Variants in PIGG observed in about 807,000 individuals in gnomAD.
PIGG encodes the protein phosphatidylinositol glycan anchor biosynthesis class G (EMM blood group), also known as GPI ethanolamine phosphate transferase 2, catalytic subunit.
PIGG carries 70 observed loss-of-function variants against 83.2 expected under a neutral mutation model. The ratio of observed to expected loss-of-function variants is 0.84; its 90% CI spans 0.69 to 1.03. The LOEUF is 1.03. Among genes scored for constraint, PIGG ranks in the 50% least tolerant of loss-of-function variants. The probability of loss-of-function intolerance (pLI) is 0.00; values close to 1 mark genes in which losing one functional copy is unlikely to be tolerated. For synonymous variants in PIGG, 532 were observed against 519.5 expected, an observed-to-expected ratio of 1.02 and a Z score of -0.33; for missense variants, 1,257 against 1,233.6, an observed-to-expected ratio of 1.02 and a Z score of -0.28.
intron 12 of PIGG, among the ~76,000 whole-genome samples, chr4:538,498 G>A (rs192838050): frequency 5.9e-5 from 9 of 152,254 alleles, no homozygotes; most frequent in African/African-American, 1.7e-4. Context: ...TCTATTCATC[G>A]TTTGTATTTT....
chr4:533,765 C>T (rs1166753363), intron 11 of PIGG, 53 bp from the exon 12 acceptor site: 5 of 1,560,548 alleles, frequency 3.2e-6, no homozygotes, highest in Non-Finnish European at 4.4e-6. Flanking sequence ...AACATCGTGG[C>T]TGTTGATGCC....
Position 499,283 on chromosome 4 carries a change from C to T in PIGG, c.-53C>T, listed in dbSNP as rs1716603549. On this transcript the variant is annotated 5_prime_UTR_variant, in exon 1 of 13. Transcript: ENST00000453061. ...CCTGGAGCCGGAAGCGCGGCTGCAG[C>T]AGGGCGAGGCTCCAGGTGGGGTCGG... 3 of 1,577,684 alleles carry T rather than the reference C, an allele frequency of 1.9e-6. No individual in the cohort carries two copies. Among genetic ancestry groups the T allele is most frequent in the South Asian group, 2.2e-5 (2 of 89,144 alleles).
intron 4 of PIGG, 103 bp downstream of exon 4, chr4:507,696 C>A: frequency 2.0e-6 from 2 of 987,112 alleles, no homozygotes; most frequent in Non-Finnish European, 3.0e-6. Context: ...GTGTGAATGT[C>A]CACCATCAGT....
In PIGG at chr4:505,704, T is replaced by C; in HGVS notation, c.361-14T>C. ...TGGATTCAGTGGCCTAATTCTTGCATTTTCTGACTGCAGGCATTGATGACG... is the reference window on the plus strand; with the variant it reads ...TGGATTCAGTGGCCTAATTCTTGCACTTTCTGACTGCAGGCATTGATGACG... On this transcript the variant is annotated splice_polypyrimidine_tract_variant and intron_variant, in intron 2 of 12. Transcript: ENST00000453061. 6.2e-7 allele frequency: 1 copy of C among 1,607,878 alleles called. No individual in the cohort carries two copies. Among genetic ancestry groups the C allele is most frequent in the Non-Finnish European group, 8.5e-7 (1 of 1,175,444 alleles).
At chr4:511,882 G>A (rs1269174184) in intron 5 of PIGG, among the ~76,000 whole-genome samples, 1 of 152,182 alleles carries the variant, frequency 6.6e-6, no homozygotes, top group Non-Finnish European at 1.5e-5. Context: ...TGGGTTGGCT[G>A]TTTTTTCTTT....
In PIGG at chr4:500,415, C is replaced by A; in HGVS notation, c.174C>A (p.Thr58=). Residue 58 remains threonine, a synonymous_variant, in exon 2 of 13, where the codon ACC becomes ACA. Coordinates refer to ENST00000453061, the MANE Select transcript of PIGG (RefSeq NM_001127178.3). ...ACTTAGGAGCCAGTTCTAACTGGAC[C>A]ACGCTGCCACCACCTCTCTTCAGTA... ...EPSAGASSNW[T]TLPPPLFSKV... is the part of the protein sequence containing the mutation. The A allele has an allele frequency of 1.2e-6, 2 of 1,613,680 alleles. No individual in the cohort carries two copies. Among genetic ancestry groups the A allele is most frequent in the Non-Finnish European group, 1.7e-6 (2 of 1,179,672 alleles).
At chr4:517,883 T>C (rs1724472724) in intron 6 of PIGG, among the ~76,000 whole-genome samples, 1 of 152,242 alleles carries the variant, frequency 6.6e-6, no homozygotes, top group South Asian at 2.1e-4. Context: ...TGTTTGATAC[T>C]GGGACTCCTT....
intron 11 of PIGG, 44 bp downstream of exon 11, chr4:530,789 C>T (rs760271059): frequency 1.6e-6 from 2 of 1,286,922 alleles, no homozygotes; most frequent in South Asian, 2.8e-5. Context: ...TCATGTTTTA[C>T]ATATTTATTT....
intron 3 of PIGG, chr4:506,683 G>A (rs1719825661): frequency 2.2e-6 from 1 of 447,630 alleles, no homozygotes; most frequent in Admixed American, 2.4e-5. Context: ...TAGCTGAGGG[G>A]TCAGGGCTCA....
At position 522,035 on chromosome 4, in the gene PIGG, T is replaced by C. The variant is rs750381035; in HGVS notation, c.1614+94T>C. 27 of 1,361,040 alleles carry C rather than the reference T, an allele frequency of 2.0e-5. No homozygotes were observed. In the African/African-American group the frequency reaches 3.7e-4, roughly 19 times the overall value. 84.3% of individuals were successfully genotyped at this position (1,361,040 alleles called of 1,614,324 possible). A position where few individuals can be genotyped will look rare whatever the true frequency, so the allele number is the denominator to read the frequency against. On this transcript the variant is annotated intron_variant, in intron 8 of 12. Coordinates refer to ENST00000453061, the MANE Select transcript of PIGG (RefSeq NM_001127178.3). ...TGCCTTTCGTTTACCAGACTCTGGTTGAACACCTGGTGTGTGCCACGTGCT... is the reference window on the plus strand; with the variant it reads ...TGCCTTTCGTTTACCAGACTCTGGTCGAACACCTGGTGTGTGCCACGTGCT...
Position 499,432 on chromosome 4 carries a change from C to T in PIGG, c.97C>T (p.Arg33Cys). 1 of 1,606,842 alleles carries T rather than the reference C, an allele frequency of 6.2e-7. No homozygotes were observed. Among genetic ancestry groups the T allele is most frequent in the Non-Finnish European group, 8.5e-7 (1 of 1,179,704 alleles). The change falls in exon 1 of 13, where the codon CGT becomes TGT. Residue 33 changes from arginine to cysteine, a missense_variant. Arg to Cys is a radical substitution (Grantham distance 180, BLOSUM62 -3). Transcript: ENST00000453061. Reference protein sequence around the residue: ...FLRGFFPAPVRSSARAEHGAE... With the variant: ...FLRGFFPAPVCSSARAEHGAE... ...TCGGGGATTCTTCCCGGCTCCCGTT[C>T]GTTCCTCTGCCAGAGCGGAACACGG...
intron 8 of PIGG, chr4:522,301 C>T (rs1220632584): frequency 2.0e-6 from 1 of 508,502 alleles, no homozygotes; most frequent in Non-Finnish European, 3.5e-6. Flanking sequence ...GGTGTGGGAG[C>T]TGCAGCTGAG....
intron 6 of PIGG, among the ~76,000 whole-genome samples, chr4:516,411 C>A (rs187957399): frequency 2.0e-5 from 3 of 152,184 alleles, no homozygotes; most frequent in Admixed American, 6.5e-5. Flanking sequence ...TTTATTCATT[C>A]AACAACTATT....
intron 11 of PIGG, chr4:532,950 T>A (rs1390860827): frequency 7.2e-6 from 1 of 138,106 alleles, no homozygotes; most frequent in Non-Finnish European, 1.6e-5. Flanking sequence ...GGTGTGGTCT[T>A]GGAGTGGAGA....
intron 6 of PIGG, among the ~76,000 whole-genome samples, chr4:517,093 G>A (rs569367733): frequency 1.3e-5 from 2 of 152,124 alleles, no homozygotes; most frequent in Non-Finnish European, 1.5e-5. Flanking sequence ...GCCACTGGGC[G>A]CTGGAAGGGC....
chr4:504,341 G>A (rs1362731405), intron 2 of PIGG, among the ~76,000 whole-genome samples: 1 of 152,190 alleles, frequency 6.6e-6, no homozygotes, highest in Non-Finnish European at 1.5e-5. Flanking sequence ...CCTGGGTGTG[G>A]GGCTTCTCAG....
intron 5 of PIGG, among the ~76,000 whole-genome samples, chr4:513,167 A>G (rs569617051): frequency 6.6e-6 from 1 of 152,318 alleles, no homozygotes; most frequent in Admixed American, 6.5e-5. Context: ...GACAATTTCC[A>G]GAGACTGTGA....
Position 505,800 on chromosome 4 carries a change from T to C in PIGG, c.443T>C (p.Ile148Thr), listed in dbSNP as rs782112210. ...CCTGCACTGCTGGAAGACAGTGTGA[T>C]AAGACAAGCAAAAGCAGCTGGAAAA... The part of the protein sequence containing the change: ...NSPALLEDSV[I>T]RQAKAAGKRI... Residue 148 changes from isoleucine to threonine, a missense_variant, in exon 3 of 13, where the codon ATA becomes ACA. Coordinates refer to ENST00000453061, the MANE Select transcript of PIGG (RefSeq NM_001127178.3). 6.2e-7 allele frequency: 1 copy of C among 1,613,494 alleles called. No individual in the cohort carries two copies. Among genetic ancestry groups the C allele is most frequent in the Non-Finnish European group, 8.5e-7 (1 of 1,179,856 alleles).
intron 6 of PIGG, among the ~76,000 whole-genome samples, chr4:519,429 T>C (rs1560324099): frequency 6.6e-6 from 1 of 152,042 alleles, no homozygotes. Flanking sequence ...GACACAGGCG[T>C]CCCCCCATCC....
Sources: gnomAD v4.1 joint callset for allele counts (sites outside exome capture counted in the v4.1 genomes callset) on GRCh38, gnomAD v4.1.1 for gene constraint, MANE v1.5 for transcripts, NCBI Gene and HGNC (gene_info 2026-07-23, HGNC 2026-07-21) for gene names.